Variants in CDH18 observed in about 807,000 individuals in gnomAD.
CDH18 encodes the protein cadherin-18.
In CDH18, 31 loss-of-function variants were observed where a neutral mutation model predicts 67.9. The ratio of observed to expected loss-of-function variants is 0.46; its 90% CI spans 0.34 to 0.62. CDH18 has a LOEUF of 0.62. CDH18 is among the 20% of genes least tolerant of loss of function. The pLI, the probability that CDH18 is intolerant of heterozygous loss-of-function variation, is 0.01. For synonymous variants in CDH18, 362 were observed against 347.2 expected (o/e 1.04, Z -0.48); for missense variants, 890 against 975.5 (o/e 0.91, Z 1.17).
At chr5:20,012,388 A>AC (rs966956121) in intron 2 of CDH18, among the ~76,000 whole-genome samples, 3 of 151,206 alleles carry the variant, frequency 2.0e-5, no homozygotes, top group African/African-American at 7.3e-5. Context: ...AAAAAAAAAA[A>AC]AAACACCAGC....
intron 1 of CDH18, among the ~76,000 whole-genome samples, chr5:20,346,696 C>T (rs1305930999): frequency 6.6e-6 from 1 of 152,070 alleles, no homozygotes; most frequent in Non-Finnish European, 1.5e-5. Context: ...TTCACAAAGT[C>T]CCTTCCCATT....
chr5:19,691,634 C>T (rs1268897807), intron 5 of CDH18, among the ~76,000 whole-genome samples: 1 of 151,708 alleles, frequency 6.6e-6, no homozygotes, highest in Non-Finnish European at 1.5e-5. Flanking sequence ...GTCTCATTTA[C>T]AATAGCTATA....
intron 1 of CDH18, among the ~76,000 whole-genome samples, chr5:20,424,471 G>T (rs879940221): frequency 7.3e-5 from 11 of 150,482 alleles, no homozygotes; most frequent in Non-Finnish European, 1.6e-4. Flanking sequence ...AGGAAGTGAG[G>T]CCTGGTGCGG....
At chr5:19,778,822 T>A (rs16899236) in intron 3 of CDH18, among the ~76,000 whole-genome samples, 4,371 of 152,294 alleles carry the variant, frequency 0.029, 128 homozygotes, top group Admixed American at 0.075. Context: ...CATGCTGATA[T>A]CTCATCCCTG....
intron 1 of CDH18, among the ~76,000 whole-genome samples, chr5:20,285,128 T>C (rs1270580992): frequency 6.6e-6 from 1 of 151,648 alleles, no homozygotes; most frequent in African/African-American, 2.4e-5. Context: ...AGTTGCTGCA[T>C]GCACAAATCA....
chr5:20,322,793 A>G (rs971419127), intron 1 of CDH18, among the ~76,000 whole-genome samples: 1 of 152,168 alleles, frequency 6.6e-6, no homozygotes, highest in Non-Finnish European at 1.5e-5. Context: ...TCATAGTGAC[A>G]CTTTGAAATT....
At chr5:20,330,657 G>A (rs1478871621) in intron 1 of CDH18, among the ~76,000 whole-genome samples, 2 of 152,144 alleles carry the variant, frequency 1.3e-5, no homozygotes, top group Non-Finnish European at 2.9e-5. Flanking sequence ...AACACACTGC[G>A]CATGTGGCCC....
chr5:19,960,187 T>G (rs1482519894), intron 2 of CDH18, among the ~76,000 whole-genome samples: 1 of 152,150 alleles, frequency 6.6e-6, no homozygotes, highest in Non-Finnish European at 1.5e-5. Context: ...GTTTTTGCAT[T>G]ATCAGCTGTT....
chr5:19,968,452 G>C (rs1326991490), intron 2 of CDH18, among the ~76,000 whole-genome samples: 1 of 152,016 alleles, frequency 6.6e-6, no homozygotes. Flanking sequence ...ATACTACAAG[G>C]CTACAGTAAC....
chr5:19,511,476 C>T (rs577779898), intron 10 of CDH18, among the ~76,000 whole-genome samples: 2 of 152,204 alleles, frequency 1.3e-5, no homozygotes, highest in African/African-American at 4.8e-5. Flanking sequence ...TTGGAACTTT[C>T]TAGAGACTCG....
chr5:19,798,296 A>G (rs1043781737), intron 3 of CDH18, among the ~76,000 whole-genome samples: 11 of 152,050 alleles, frequency 7.2e-5, no homozygotes, highest in African/African-American at 2.7e-4. Context: ...GTTGTGAAAA[A>G]TATTGCCAAT....
At chr5:19,533,080 T>C (rs1463605982) in intron 9 of CDH18, among the ~76,000 whole-genome samples, 1 of 152,102 alleles carries the variant, frequency 6.6e-6, no homozygotes, top group Admixed American at 6.6e-5. Context: ...TGAGACTGAA[T>C]GAAATCACCT....
intron 1 of CDH18, among the ~76,000 whole-genome samples, chr5:20,360,909 G>T (rs1338172786): frequency 1.3e-5 from 2 of 151,794 alleles, no homozygotes. Context: ...TCAAATCGAA[G>T]ATATATATTC....
intron 1 of CDH18, among the ~76,000 whole-genome samples, chr5:20,346,250 A>G (rs1740686149): frequency 6.6e-6 from 1 of 152,162 alleles, no homozygotes; most frequent in South Asian, 2.1e-4. Context: ...AGTCTTATTA[A>G]TTAAAATTTT....
intron 5 of CDH18, among the ~76,000 whole-genome samples, chr5:19,622,199 A>C (rs764737165): frequency 6.6e-6 from 1 of 152,130 alleles, no homozygotes; most frequent in African/African-American, 2.4e-5. Flanking sequence ...AAAGGTCCGC[A>C]TTGTAGGGAA....
intron 5 of CDH18, among the ~76,000 whole-genome samples, chr5:19,676,538 G>A (rs777301166): frequency 6.6e-6 from 1 of 151,976 alleles, no homozygotes; most frequent in Non-Finnish European, 1.5e-5. Flanking sequence ...ATCCACAGCT[G>A]TTAATATTAA....
intron 2 of CDH18, among the ~76,000 whole-genome samples, chr5:20,031,355 G>T (rs1262851250): frequency 6.6e-6 from 1 of 152,042 alleles, no homozygotes; most frequent in Non-Finnish European, 1.5e-5. Flanking sequence ...TTTTAAAAGT[G>T]GCCAGTGTCA....
At chr5:20,408,188 C>T (rs908826925) in intron 1 of CDH18, among the ~76,000 whole-genome samples, 3 of 151,972 alleles carry the variant, frequency 2.0e-5, no homozygotes, top group Non-Finnish European at 4.4e-5. Flanking sequence ...GGGATAAAGA[C>T]TTTCCCCGGT....
chr5:20,412,434 C>T (rs894971786), intron 1 of CDH18, among the ~76,000 whole-genome samples: 9 of 152,170 alleles, frequency 5.9e-5, no homozygotes, highest in Admixed American at 5.9e-4. Flanking sequence ...CTCTTCTGGA[C>T]ATTGGCATAG....
Sources: gnomAD v4.1 joint callset for allele counts (sites outside exome capture counted in the v4.1 genomes callset) on GRCh38, gnomAD v4.1.1 for gene constraint, MANE v1.5 for transcripts, NCBI Gene and HGNC (gene_info 2026-07-23, HGNC 2026-07-21) for gene names.